Variants in RABGAP1 observed in about 807,000 individuals in gnomAD.
RABGAP1 encodes the protein rab GTPase-activating protein 1.
Under a neutral mutation model 137.6 loss-of-function variants are expected in RABGAP1, and 23 were observed. That is an observed-to-expected ratio of 0.17 (90% confidence interval 0.12 to 0.24). The LOEUF (loss-of-function observed/expected upper bound fraction) is 0.24. Among genes scored for constraint, RABGAP1 ranks in the 10% least tolerant of loss-of-function variants. The pLI is 1.00. For synonymous variants in RABGAP1, 451 were observed against 450.7 expected (o/e 1.00, Z -0.01); for missense variants, 906 against 1,275.8 (o/e 0.71, Z 4.42).
upstream of RABGAP1, among the ~76,000 whole-genome samples, chr9:122,937,123 A>AC (rs1833398481): frequency 6.6e-6 from 1 of 152,242 alleles, no homozygotes; most frequent in African/African-American, 2.4e-5. Flanking sequence ...ACATAGTGAG[A>AC]CCCCATCTCT....
chr9:123,044,386 T>C (rs1231924299), intron 13 of RABGAP1, among the ~76,000 whole-genome samples: 1 of 152,224 alleles, frequency 6.6e-6, no homozygotes, highest in African/African-American at 2.4e-5. Flanking sequence ...AATTGTCTCA[T>C]TTAATCCCCC....
At chr9:123,035,037 G>T in intron 13 of RABGAP1, 1 of 1,613,788 alleles carries the variant, frequency 6.2e-7, no homozygotes, top group Middle Eastern at 1.7e-4. Flanking sequence ...GGCTATACTC[G>T]ACCCTGGTCT....
chr9:122,997,138 A>G (rs1056240985), intron 8 of RABGAP1, 121 bp from the exon 9 acceptor site: 6 of 692,244 alleles, frequency 8.7e-6, no homozygotes, highest in Non-Finnish European at 1.5e-5. Context: ...ATTCACATAC[A>G]CTTATCCTCT....
Position 123,070,564 on chromosome 9 carries a change from T to C in RABGAP1, c.1983+140T>C. On this transcript the variant is annotated intron_variant, in intron 15 of 25. Coordinates refer to ENST00000373647, the MANE Select transcript of RABGAP1 (RefSeq NM_012197.4). This position sits in a 1 kb window ranked among gnomAD's most constrained non-coding sequence, Gnocchi z 4.4. The stretch of plus-strand genomic sequence containing the variant: ...TTAACACCTATAGCTGGAAACTTTT[T>C]CCTTAAATTAACTTAATGTCATTGT... The C allele has an allele frequency of 1.4e-6, 2 of 1,431,172 alleles. No homozygotes were observed. Among genetic ancestry groups the C allele is most frequent in the South Asian group, 1.6e-5 (1 of 62,158 alleles). 88.7% of individuals were successfully genotyped at this position (1,431,172 alleles called of 1,614,324 possible). A position where few individuals can be genotyped will look rare whatever the true frequency, so the allele number is the denominator to read the frequency against.
At chr9:123,098,959 G>A (rs1354696929) in intron 23 of RABGAP1, among the ~76,000 whole-genome samples, 161 bp downstream of exon 23, 1 of 150,382 alleles carries the variant, frequency 6.6e-6, no homozygotes, top group Non-Finnish European at 1.5e-5. Flanking sequence ...ATTCTCAGTT[G>A]TAAAAGAAGG....
chr9:123,030,398 T>A (rs1487932356), intron 13 of RABGAP1, among the ~76,000 whole-genome samples: 1 of 152,200 alleles, frequency 6.6e-6, no homozygotes, highest in Non-Finnish European at 1.5e-5. Context: ...AGAAGAAAGA[T>A]TTTTTAATGA....
chr9:123,053,899 G>A (rs1010214437), intron 13 of RABGAP1, among the ~76,000 whole-genome samples: 1 of 152,184 alleles, frequency 6.6e-6, no homozygotes, highest in Admixed American at 6.5e-5. Context: ...ACAAAAGGAT[G>A]TGTATTCAAA....
intron 10 of RABGAP1, among the ~76,000 whole-genome samples, chr9:123,009,633 G>A (rs1007330328): frequency 6.6e-6 from 1 of 152,102 alleles, no homozygotes; most frequent in Non-Finnish European, 1.5e-5. Context: ...CTTATAATGT[G>A]TATTGTAGTG....
In RABGAP1 at chr9:123,047,919, G is replaced by GTTTTTTTTTTTTTTTTTTTTTTTTTTTTT. The variant is rs59639446; in HGVS notation, c.1795-17421_1795-17393dup. Reference sequence around the variant, plus strand: ...TATCTAGCCATTTTACAGCTGCTGGGTTTTTTTTTTTTTTTTTTTTTTTTT... The same window carrying GTTTTTTTTTTTTTTTTTTTTTTTTTTTTT: ...TATCTAGCCATTTTACAGCTGCTGGGTTTTTTTTTTTTTTTTTTTTTTTTTTTTTTTTTTTTTTTTTTTTTTTTTTTTTT... On this transcript the variant is annotated intron_variant, in intron 13 of 25. Coordinates refer to ENST00000373647, the MANE Select transcript of RABGAP1 (RefSeq NM_012197.4). Among the ~76,000 whole-genome samples the GTTTTTTTTTTTTTTTTTTTTTTTTTTTTT allele has an allele frequency of 4.8e-5, 3 of 62,280 alleles. 1 individual carries two copies. The highest frequency in any genetic ancestry group is 1.1e-4 in the Non-Finnish European group (3 of 28,024). 40.9% of individuals were successfully genotyped at this position (62,280 alleles called of 152,430 possible).
At position 123,070,346 on chromosome 9, in the gene RABGAP1, C is replaced by T. The variant is rs1372527397; in HGVS notation, c.1909-4C>T. On this transcript the variant is annotated splice_polypyrimidine_tract_variant and splice_region_variant and intron_variant, in intron 14 of 25. Coordinates refer to ENST00000373647, the MANE Select transcript of RABGAP1 (RefSeq NM_012197.4). The surrounding 1 kb of genome is among the most constrained non-coding windows in gnomAD (Gnocchi z 4.4). ...ACATTTCCTCTGTGTGTTTTATTTT[C>T]CAGGCTTATTCTGTGTATGATGAAG... 2 of 1,613,726 alleles carry T rather than the reference C, an allele frequency of 1.2e-6. No homozygotes were observed. The highest frequency in any genetic ancestry group is 2.7e-5 in the African/African-American group (2 of 74,890).
intron 19 of RABGAP1, among the ~76,000 whole-genome samples, chr9:123,087,613 T>C (rs891001858): frequency 4.6e-5 from 7 of 152,236 alleles, no homozygotes; most frequent in African/African-American, 1.7e-4. Flanking sequence ...AGCTTAAAGA[T>C]GTCCTGCTCC....
intron 13 of RABGAP1, among the ~76,000 whole-genome samples, chr9:123,026,040 T>G (rs1219329281): frequency 6.6e-6 from 1 of 151,852 alleles, no homozygotes; most frequent in Non-Finnish European, 1.5e-5. Flanking sequence ...CAGTTTGTTT[T>G]TGGCCGGGCG....
At chr9:122,961,198 G>A (rs939531148) in intron 2 of RABGAP1, among the ~76,000 whole-genome samples, 1 of 152,046 alleles carries the variant, frequency 6.6e-6, no homozygotes, top group African/African-American at 2.4e-5. Context: ...TAGGATAGAT[G>A]CAAAGATATC....
intron 12 of RABGAP1, among the ~76,000 whole-genome samples, chr9:123,018,062 C>T (rs956903936): frequency 6.6e-6 from 1 of 152,134 alleles, no homozygotes; most frequent in African/African-American, 2.4e-5. Flanking sequence ...GGCGCGATCT[C>T]GGCTCACTGC....
the RABGAP1 span, among the ~76,000 whole-genome samples, chr9:122,931,760 T>A: frequency 1.3e-5 from 2 of 152,228 alleles, no homozygotes; most frequent in African/African-American, 4.8e-5. Context: ...GCTCAGGCCC[T>A]GTGCGCCTCG....
intron 24 of RABGAP1, among the ~76,000 whole-genome samples, chr9:123,099,774 G>T (rs959912568): frequency 1.3e-5 from 2 of 152,216 alleles, no homozygotes; most frequent in Admixed American, 1.3e-4. Context: ...ATCTCAAAGT[G>T]CAAGTGCCCC....
At chr9:123,019,503 G>A (rs2031471194) in intron 12 of RABGAP1, among the ~76,000 whole-genome samples, 1 of 151,828 alleles carries the variant, frequency 6.6e-6, no homozygotes, top group South Asian at 2.1e-4. Flanking sequence ...CTGTAGACAC[G>A]GGGTTCTTGC....
chr9:122,989,666 C>G, intron 5 of RABGAP1, 195 bp downstream of exon 5: 1 of 627,658 alleles, frequency 1.6e-6, no homozygotes, highest in East Asian at 2.8e-5. Context: ...GTTACTACTA[C>G]TAAGAATGTC....
intron 19 of RABGAP1, 113 bp downstream of exon 19, chr9:123,076,875 A>G: frequency 1.6e-6 from 1 of 621,450 alleles, no homozygotes. Flanking sequence ...TTTATAATAC[A>G]TATTAGTGTT....
Sources: allele counts gnomAD v4.1 joint callset (sites outside exome capture counted in the v4.1 genomes callset), GRCh38; gene constraint gnomAD v4.1.1; non-coding constraint Gnocchi (gnomAD v3.1); transcripts MANE v1.5; gene names NCBI Gene and HGNC (gene_info 2026-07-23, HGNC 2026-07-21).